The following PNPLA6 variants were observed in gnomAD, a reference collection of about 807,000 sequenced individuals.
The protein encoded by PNPLA6 is patatin-like phospholipase domain-containing protein 6.
In PNPLA6, 105 loss-of-function variants were observed where a neutral mutation model predicts 153.7. The ratio of observed to expected loss-of-function variants is 0.68; its 90% confidence interval spans 0.58 to 0.80. The LOEUF (loss-of-function observed/expected upper bound fraction) is 0.80, where lower values mean the gene tolerates loss of function less well. PNPLA6 is among the 30% of genes least tolerant of loss of function. The pLI, the probability that PNPLA6 is intolerant of heterozygous loss-of-function variation, is 0.00. For synonymous variants in PNPLA6, 825 were observed against 822.2 expected (o/e 1.00, Z -0.06); for missense variants, 1,423 against 1,919.3 (o/e 0.74, Z 4.83).
At position 7,561,642 on chromosome 19, in the gene PNPLA6, C is replaced by G. The variant is rs781056060; in HGVS notation, c.*80C>G. 13 of 955,326 alleles carry G rather than the reference C, an allele frequency of 1.4e-5. No homozygotes were observed. The East Asian group carries it at 2.6e-4, about 19-fold the overall frequency. The allele number at this position is 955,326 out of a possible 1,614,324, so 59.2% of individuals were successfully genotyped here. On this transcript the variant is annotated 3_prime_UTR_variant, in exon 32 of 32. Coordinates refer to ENST00000600737, the MANE Select transcript of PNPLA6 (RefSeq NM_001166114.2). The stretch of plus-strand genomic sequence containing the variant: ...GCCCCGTGGGGGTAGCTCACTCCCC[C>G]TCCTGCTGCTATGCCTGTGACCCCC...
chr19:7,555,215 T>A lies in PNPLA6; in HGVS notation c.2818-34T>A, dbSNP rs777032518. 6.4e-7 allele frequency: 1 copy of A among 1,562,174 alleles called. No homozygotes were observed. The highest frequency in any genetic ancestry group is 1.8e-5 in the Admixed American group (1 of 55,138). ...GGGGATCCGCCGGACCCCGCCCTCA[T>A]GCTCCTGGGTCGCGACTATCTCCCC... is the stretch of plus-strand genomic sequence containing the variant. On this transcript the variant is annotated intron_variant, in intron 22 of 31. Transcript: ENST00000600737. The surrounding 1 kb of genome is among the most constrained non-coding windows in gnomAD (Gnocchi z 6.3).
At chr19:7,558,696 C>T (rs951704310) in intron 27 of PNPLA6, among the ~76,000 whole-genome samples, 154 bp from the exon 28 acceptor site, 27 of 151,870 alleles carry the variant, frequency 1.8e-4, no homozygotes, top group African/African-American at 5.1e-4. Flanking sequence ...ATCATTTGCA[C>T]GTCTGTGCAT....
intron 18 of PNPLA6, among the ~76,000 whole-genome samples, chr19:7,551,937 T>C (rs996606042): frequency 1.3e-5 from 2 of 151,794 alleles, no homozygotes; most frequent in Non-Finnish European, 2.9e-5. Flanking sequence ...AGGACCCCCG[T>C]CTCTACAAAA....
intron 28 of PNPLA6, among the ~76,000 whole-genome samples, chr19:7,559,397 A>C (rs1022553643): frequency 1.3e-5 from 2 of 152,188 alleles, no homozygotes; most frequent in Non-Finnish European, 2.9e-5. Flanking sequence ...AGCACTGTAT[A>C]GTGATTTCTA....
rs187549600 is a variant in PNPLA6 at position 7,553,668 on chromosome 19, G to A, written c.2261-207G>A. Among the ~76,000 whole-genome samples, 626 of 152,274 alleles carry A rather than the reference G, an allele frequency of 4.1e-3. 3 individuals are homozygous for A. Among genetic ancestry groups the A allele is most frequent in the South Asian group, 9.1e-3 (44 of 4,826 alleles). ...AGATGGCCAGGTTTTAACAAAAGAG[G>A]GAATAGTAGTTGAGGCTGAGGGTCC... On this transcript the variant is annotated intron_variant, in intron 18 of 31. Transcript: ENST00000600737.
At chr19:7,559,365 A>G (rs2024013738) in intron 28 of PNPLA6, among the ~76,000 whole-genome samples, 1 of 152,148 alleles carries the variant, frequency 6.6e-6, no homozygotes, top group South Asian at 2.1e-4. Context: ...CTTTCTCCTT[A>G]TAGGCCAGCT....
rs764120493 is a variant in PNPLA6, at chr19:7,542,851, G to A, written c.1453G>A (p.Gly485Arg). 77 of 1,612,832 alleles carry A rather than the reference G, an allele frequency of 4.8e-5. No homozygotes were observed. The Middle Eastern group carries it at 4.9e-4, about 10-fold the overall frequency. The change falls in exon 12 of 32, where the codon GGG becomes AGG. Residue 485 changes from glycine (G) to arginine (R), a missense_variant. By Grantham distance (125) the Gly-to-Arg change is moderately radical. Around this residue, in one of 10 missense-constraint regions of PNPLA6, gnomAD observed 267 missense variants for 255.1 expected, o/e 1.05. Transcript: ENST00000600737. ...GTCGGCCACTGGTGGCTGCCCTTTCGGGCCCTACCAGGGCCGCCAGACCAG... is the reference window on the plus strand; with the variant it reads ...GTCGGCCACTGGTGGCTGCCCTTTCAGGCCCTACCAGGGCCGCCAGACCAG... ...DESATGGCPFGPYQGRQTSSI... is the reference protein window; with the variant it reads ...DESATGGCPFRPYQGRQTSSI...
In PNPLA6 at chr19:7,558,735, T is replaced by TTCTC. The variant is rs147968677; in HGVS notation, c.3398-111_3398-108dup. 348,963 of 692,064 alleles carry TTCTC rather than the reference T, an allele frequency of 0.5. 69,949 individuals are homozygous for TTCTC. The highest frequency in any genetic ancestry group is 0.57 in the Admixed American group (24,281 of 42,334). 42.9% of individuals were successfully genotyped at this position (692,064 alleles called of 1,614,324 possible). A position where few individuals can be genotyped will look rare whatever the true frequency, so the allele number is the denominator to read the frequency against. ...AGCATGGTGTTTGCATGTGTGGGTA[T>TTCTC]TCTCTCTTTTTTTTTTGCGTGATCA... is the stretch of plus-strand genomic sequence containing the variant. On this transcript the variant is annotated intron_variant, in intron 27 of 31. Coordinates refer to ENST00000600737, the MANE Select transcript of PNPLA6 (RefSeq NM_001166114.2).
Position 7,540,460 on chromosome 19 carries a change from G to T in PNPLA6, c.714+152G>T. ...GACATTTGGGGTAGTCTGCGTAGTTGCTCAGTAGTTACAAGTATTGAACGA... is the reference window on the plus strand; with the variant it reads ...GACATTTGGGGTAGTCTGCGTAGTTTCTCAGTAGTTACAAGTATTGAACGA... On this transcript the variant is annotated intron_variant, in intron 5 of 31. Coordinates refer to ENST00000600737, the MANE Select transcript of PNPLA6 (RefSeq NM_001166114.2). The surrounding 1 kb of genome is among the most constrained non-coding windows in gnomAD (Gnocchi z 6.8). 1 of 1,055,368 alleles carries T rather than the reference G, an allele frequency of 9.5e-7. No homozygotes were observed. Among genetic ancestry groups the T allele is most frequent in the South Asian group, 1.5e-5 (1 of 68,642 alleles). The allele number at this position is 1,055,368 out of a possible 1,614,324, so 65.4% of individuals were successfully genotyped here.
intron 2 of PNPLA6, 87 bp downstream of exon 2, chr19:7,536,360 C>A: frequency 7.1e-7 from 1 of 1,411,898 alleles, no homozygotes; most frequent in Non-Finnish European, 1.0e-6. Flanking sequence ...CGCCACCGCT[C>A]CTTCCTTGAT....
rs144486740 is a variant in PNPLA6, at chr19:7,538,492, A to G, written c.414-1426A>G. 9.2e-5 allele frequency among the ~76,000 whole-genome samples: 14 copies of G among 152,266 alleles called. 1 individual carries two copies. Among genetic ancestry groups the G allele is most frequent in the African/African-American group, 2.9e-4 (12 of 41,570 alleles). On this transcript the variant is annotated intron_variant, in intron 3 of 31. Coordinates refer to ENST00000600737, the MANE Select transcript of PNPLA6 (RefSeq NM_001166114.2). ...GCCACCACGCCCAGCCAAAAAAGGA[A>G]TTATATCTGAATTTCTTGATTTCAC...
chr19:7,557,117 C>T lies in PNPLA6; in HGVS notation c.3281-51C>T, dbSNP rs370110810. The T allele has an allele frequency of 2.0e-4, 278 of 1,365,204 alleles. 1 individual carries two copies. Among genetic ancestry groups the T allele is most frequent in the Non-Finnish European group, 2.5e-4 (240 of 959,638 alleles). The allele number at this position is 1,365,204 out of a possible 1,614,324, so 84.6% of individuals were successfully genotyped here. Reference sequence around the variant, plus strand: ...CCCATCGGGCCGGCTGGGCCTCCGGCGTGTCTGAGCGTGTCTGTGCGTGTT... The same window carrying T: ...CCCATCGGGCCGGCTGGGCCTCCGGTGTGTCTGAGCGTGTCTGTGCGTGTT... On this transcript the variant is annotated intron_variant, in intron 26 of 31. Transcript: ENST00000600737.
rs774415666 is a variant in PNPLA6 at position 7,535,849 on chromosome 19, G to A, written c.61G>A (p.Asp21Asn). Residue 21 changes from aspartate to asparagine, a missense_variant, in exon 1 of 32, where the codon GAT becomes AAT. This residue lies in a region of PNPLA6 where 109 missense variants were observed against 109.4 expected (regional missense o/e 1.00). Transcript: ENST00000600737. The surrounding 1 kb of genome is among the most constrained non-coding windows in gnomAD (Gnocchi z 5.0). Reference sequence around the variant, plus strand: ...CTCGGGGGCGAAGGTGGCGGAGAGGGATGGGTTCCAGGACGTCCTGGCGCC... The same window carrying A: ...CTCGGGGGCGAAGGTGGCGGAGAGGAATGGGTTCCAGGACGTCCTGGCGCC... ...NSSGAKVAER[D>N]GFQDVLAPGE... 6.5e-6 allele frequency: 10 copies of A among 1,538,188 alleles called. No homozygotes were observed. Among genetic ancestry groups the A allele is most frequent in the African/African-American group, 1.4e-5 (1 of 73,270 alleles).
rs754561817 is a variant in PNPLA6 at position 7,551,346 on chromosome 19, C to T, written c.2185-16C>T. ...TTCCCAGGTCTCACTGAAATGCCGGCCTCCAACGCCCCCAGGTCGTGACCC... is the reference window on the plus strand; with the variant it reads ...TTCCCAGGTCTCACTGAAATGCCGGTCTCCAACGCCCCCAGGTCGTGACCC... On this transcript the variant is annotated splice_polypyrimidine_tract_variant and intron_variant, in intron 17 of 31. Coordinates refer to ENST00000600737, the MANE Select transcript of PNPLA6 (RefSeq NM_001166114.2). 3 of 1,612,932 alleles carry T rather than the reference C, an allele frequency of 1.9e-6. No homozygotes were observed. Among genetic ancestry groups the T allele is most frequent in the East Asian group, 2.2e-5 (1 of 44,866 alleles).
intron 28 of PNPLA6, among the ~76,000 whole-genome samples, chr19:7,559,892 C>G (rs1464665178): frequency 6.9e-6 from 1 of 144,772 alleles, no homozygotes; most frequent in African/African-American, 2.5e-5. Context: ...TTAATCCCAG[C>G]ATTTTGGGAG....
intron 3 of PNPLA6, 25 bp from the exon 4 acceptor site, chr19:7,539,893 C>A (rs1182537438): frequency 4.0e-6 from 6 of 1,500,924 alleles, no homozygotes; most frequent in Admixed American, 2.0e-5. Flanking sequence ...CCCCCTCACC[C>A]CCGGCACCCC....
chr19:7,540,988 G>A lies in PNPLA6; in HGVS notation c.861G>A (p.Leu287=). The change falls in exon 7 of 32, where the codon CTG becomes CTA. Residue 287 remains leucine, a synonymous_variant. Coordinates refer to ENST00000600737, the MANE Select transcript of PNPLA6 (RefSeq NM_001166114.2). This position sits in a 1 kb window ranked among gnomAD's most constrained non-coding sequence, Gnocchi z 6.8. ...RAARDSTVLR[L]PVEAFSAVFT... ...CCCGGGACTCCACGGTGCTGCGCCTGCCGGTGGAAGCATTCTCCGCGGTCT... is the reference window on the plus strand; with the variant it reads ...CCCGGGACTCCACGGTGCTGCGCCTACCGGTGGAAGCATTCTCCGCGGTCT... 1 of 1,611,562 alleles carries A rather than the reference G, an allele frequency of 6.2e-7. No individual in the cohort carries two copies. The highest frequency in any genetic ancestry group is 2.2e-5 in the East Asian group (1 of 44,806).
chr19:7,535,199 G>T, upstream of PNPLA6: 1 of 515,432 alleles, frequency 1.9e-6, no homozygotes, highest in African/African-American at 1.9e-5. This position sits in a 1 kb window ranked among gnomAD's most constrained non-coding sequence, Gnocchi z 5.0. Flanking sequence ...GCAGGCTGCT[G>T]ACAGTGGGTA....
At chr19:7,556,857 A>T (rs1395344736) in intron 26 of PNPLA6, 133 bp downstream of exon 26, 2 of 749,122 alleles carry the variant, frequency 2.7e-6, no homozygotes, top group Non-Finnish European at 4.8e-6. Flanking sequence ...ATCACCGACC[A>T]CTAACCGCCA....
Sources: gnomAD v4.1 joint callset for allele counts (sites outside exome capture counted in the v4.1 genomes callset) on GRCh38, gnomAD v4.1.1 for gene constraint, gnomAD v4.1.1 regional missense constraint, Gnocchi (gnomAD v3.1) non-coding constraint, MANE v1.5 for transcripts, NCBI Gene and HGNC (gene_info 2026-07-23, HGNC 2026-07-21) for gene names.